Variants in ERBB2 observed in about 807,000 individuals in gnomAD.
The protein encoded by ERBB2 is erb-b2 receptor tyrosine kinase 2, also known as receptor tyrosine-protein kinase erbB-2.
Under a neutral mutation model 149.0 loss-of-function variants are expected in ERBB2, and 61 were observed. The observed-to-expected ratio is 0.41, with a 90% CI of 0.33 to 0.51. The LOEUF is 0.51. ERBB2 is among the 20% of genes least tolerant of loss of function. The pLI is 0.25. For missense variants in ERBB2, 1,205 were observed against 1,655.1 expected, an observed-to-expected ratio of 0.73 and a Z score of 4.72; for synonymous variants, 633 against 678.8, an observed-to-expected ratio of 0.93 and a Z score of 1.05.
intron 16 of ERBB2, among the ~76,000 whole-genome samples, chr17:39,721,440 AT>A (rs1401995435): frequency 6.6e-6 from 1 of 151,980 alleles, no homozygotes; most frequent in East Asian, 1.9e-4. Flanking sequence ...CGTCCGGCTA[AT>A]TTTTGTATTT....
In ERBB2 at chr17:39,725,184, T is replaced by C; in HGVS notation, c.2629T>C (p.Tyr877His). The change falls in exon 21 of 27, where the codon TAC becomes CAC. Residue 877 changes from tyrosine (Y) to histidine (H), a missense_variant. Coordinates refer to ENST00000269571, the MANE Select transcript of ERBB2 (RefSeq NM_004448.4). The surrounding 1 kb of genome is among the most constrained non-coding windows in gnomAD (Gnocchi z 4.6). ...ARLLDIDETE[Y>H]HADGGKVPIK... ...GCTGCTGGACATTGACGAGACAGAGTACCATGCAGATGGGGGCAAGGTTAG... is the reference window on the plus strand; with the variant it reads ...GCTGCTGGACATTGACGAGACAGAGCACCATGCAGATGGGGGCAAGGTTAG... 6.2e-7 allele frequency: 1 copy of C among 1,613,768 alleles called. No individual in the cohort carries two copies. The highest frequency in any genetic ancestry group is 8.5e-7 in the Non-Finnish European group (1 of 1,179,970).
In ERBB2 at chr17:39,723,542, T is replaced by TGGAGCCGCTGACACCTAGC; in HGVS notation, c.2096_2114dup (p.Met706AlafsTer4). ...CCCACCACCCCCTCACCCCAGCTGG[T>TGGAGCCGCTGACACCTAGC]GGAGCCGCTGACACCTAGCGGAGCG... On this transcript the variant is annotated frameshift_variant, in exon 18 of 27. Transcript: ENST00000269571. LOFTEE classifies it high-confidence loss of function. The surrounding 1 kb of genome is among the most constrained non-coding windows in gnomAD (Gnocchi z 6.2). The TGGAGCCGCTGACACCTAGC allele has an allele frequency of 6.2e-7, 1 of 1,612,196 alleles. No homozygotes were observed. Among genetic ancestry groups the TGGAGCCGCTGACACCTAGC allele is most frequent in the Non-Finnish European group, 8.5e-7 (1 of 1,179,250 alleles).
rs147204600 is a variant in ERBB2 at position 39,715,316 on chromosome 17, G to A, written c.1179G>A (p.Gln393=). 3.6e-5 allele frequency: 58 copies of A among 1,614,046 alleles called. No homozygotes were observed. In the African/African-American group the frequency reaches 7.1e-4, roughly 20 times the overall value. Residue 393 remains glutamine (Q), a synonymous_variant, in exon 10 of 27, where the codon CAG becomes CAA. Coordinates refer to ENST00000269571, the MANE Select transcript of ERBB2 (RefSeq NM_004448.4). ...CAGCCTCCAACACTGCCCCGCTCCA[G>A]CCAGAGCAGCTCCAAGTGTTTGAGA... ...GDPASNTAPL[Q]PEQLQVFETL...
intron 9 of ERBB2, among the ~76,000 whole-genome samples, chr17:39,714,973 T>A (rs1487997184): frequency 6.6e-6 from 1 of 152,156 alleles, no homozygotes; most frequent in Non-Finnish European, 1.5e-5. Flanking sequence ...TTTCACCATG[T>A]TGGCCAGGAT....
At chr17:39,715,227 G>T (rs2145626681) in intron 9 of ERBB2, 59 bp from the exon 10 acceptor site, 2 of 1,441,042 alleles carry the variant, frequency 1.4e-6, no homozygotes, top group Admixed American at 3.5e-5. Context: ...CATGGCCAGT[G>T]CTGGGAGTGA....
rs766580143 is a variant in ERBB2, at chr17:39,715,280, C to T, written c.1149-6C>T. The T allele has an allele frequency of 6.2e-7, 1 of 1,613,888 alleles. No homozygotes were observed. Among genetic ancestry groups the T allele is most frequent in the Admixed American group, 1.7e-5 (1 of 60,008 alleles). On this transcript the variant is annotated splice_polypyrimidine_tract_variant and splice_region_variant and intron_variant, in intron 9 of 26. Transcript: ENST00000269571. ...GCCCTGCTGACTCCTCTCCTGACCC[C>T]TCCAGGGACCCAGCCTCCAACACTG...
chr17:39,723,234 A>G lies in ERBB2; in HGVS notation c.1947-85A>G. 2 of 1,418,976 alleles carry G rather than the reference A, an allele frequency of 1.4e-6. No individual in the cohort carries two copies. The highest frequency in any genetic ancestry group is 2.0e-6 in the Non-Finnish European group (2 of 1,024,684). The allele number at this position is 1,418,976 out of a possible 1,614,324, so 87.9% of individuals were successfully genotyped here. ...TTCCGACTTCCCTTTCCGAATGCCA[A>G]ACACCTTCATGTCCCCCGTGGGCCC... On this transcript the variant is annotated intron_variant, in intron 16 of 26. Transcript: ENST00000269571. The surrounding 1 kb of genome is among the most constrained non-coding windows in gnomAD (Gnocchi z 6.2).
rs768610548 is a variant in ERBB2, at chr17:39,716,444, CGGA to C, written c.1646+16_1646+18del. The C allele has an allele frequency of 2.2e-5, 35 of 1,612,448 alleles. No homozygotes were observed. Among genetic ancestry groups the C allele is most frequent in the Admixed American group, 8.3e-5 (5 of 59,928 alleles). ...CCGAGTACTGCAGGGGTATGAGGGG[CGGA>C]GGAGAGGGTGGCTGGAGGGGTGCAT... On this transcript the variant is annotated intron_variant, in intron 13 of 26. Coordinates refer to ENST00000269571, the MANE Select transcript of ERBB2 (RefSeq NM_004448.4).
upstream of ERBB2, among the ~76,000 whole-genome samples, chr17:39,694,257 ATATATATATATGTGTG>A (rs2057796507): frequency 3.5e-5 from 1 of 28,896 alleles, no homozygotes; most frequent in East Asian, 5.5e-4. Flanking sequence ...ATATATATAT[ATATATATATATGTGTG>A]TATATATATA....
chr17:39,726,035 A>C lies in ERBB2; in HGVS notation c.2872+182A>C, dbSNP rs2059738395. 2 of 602,876 alleles carry C rather than the reference A, an allele frequency of 3.3e-6. No individual in the cohort carries two copies. Among genetic ancestry groups the C allele is most frequent in the Admixed American group, 6.8e-5 (2 of 29,504 alleles). The allele number at this position is 602,876 out of a possible 1,614,324, so 37.3% of individuals were successfully genotyped here. A position where few individuals can be genotyped will look rare whatever the true frequency, so the allele number is the denominator to read the frequency against. On this transcript the variant is annotated intron_variant, in intron 23 of 26. Transcript: ENST00000269571. The surrounding 1 kb of genome is among the most constrained non-coding windows in gnomAD (Gnocchi z 5.1). ...AAGTCCAAAGCCACTCTTGAGGAAC[A>C]CTCTTGTACAAAATTAAGCTGGGCA...
chr17:39,712,578 G>A, intron 9 of ERBB2, 130 bp downstream of exon 9: 1 of 1,140,292 alleles, frequency 8.8e-7, no homozygotes, highest in East Asian at 2.6e-5. Flanking sequence ...GAAAGCAGAT[G>A]GGAGACCAGA....
Position 39,717,363 on chromosome 17 carries a change from C to A in ERBB2, c.1781C>A (p.Pro594His), listed in dbSNP as rs760310908. Residue 594 changes from proline to histidine, a missense_variant, in exon 15 of 27, where the codon CCC becomes CAC. This residue lies in a region of ERBB2 where 569 missense variants were observed against 803.5 expected (regional missense o/e 0.71). Coordinates refer to ENST00000269571, the MANE Select transcript of ERBB2 (RefSeq NM_004448.4). ...GCCTGTGCCCACTATAAGGACCCTC[C>A]CTTCTGCGTGGCCCGCTGCCCCAGC... ...CVACAHYKDP[P>H]FCVARCPSGV... The A allele has an allele frequency of 6.2e-7, 1 of 1,612,722 alleles. No homozygotes were observed. Among genetic ancestry groups the A allele is most frequent in the Non-Finnish European group, 8.5e-7 (1 of 1,179,962 alleles).
chr17:39,702,767 C>T (rs182050714), intron 1 of ERBB2, among the ~76,000 whole-genome samples: 1 of 152,186 alleles, frequency 6.6e-6, no homozygotes, highest in Non-Finnish European at 1.5e-5. Flanking sequence ...TTTATCCATG[C>T]TTTCATTTAA....
chr17:39,726,651 G>T lies in ERBB2; in HGVS notation c.2962G>T (p.Val988Phe), dbSNP rs1216520288. Residue 988 changes from valine (V) to phenylalanine (F), a missense_variant, in exon 24 of 27, where the codon GTC (valine) becomes TTC (phenylalanine). By Grantham distance (50) the Val-to-Phe change is conservative. This residue lies in a region of ERBB2 where 8 missense variants were observed against 20.4 expected (regional missense o/e 0.39). Transcript: ENST00000269571. This position sits in a 1 kb window ranked among gnomAD's most constrained non-coding sequence, Gnocchi z 5.1. ...GGCCAGGGACCCCCAGCGCTTTGTGGTCATCCAGGTACTGGGCCTCTGTGC... is the reference window on the plus strand; with the variant it reads ...GGCCAGGGACCCCCAGCGCTTTGTGTTCATCCAGGTACTGGGCCTCTGTGC... ...RMARDPQRFV[V>F]IQNEDLGPAS... is the part of the protein sequence containing the mutation. The T allele has an allele frequency of 3.1e-6, 5 of 1,614,164 alleles. No individual in the cohort carries two copies. In the South Asian group the frequency reaches 5.5e-5, roughly 18 times the overall value.
chr17:39,692,370 G>A (rs922019235), upstream of ERBB2, among the ~76,000 whole-genome samples: 63 of 152,000 alleles, frequency 4.1e-4, no homozygotes, highest in African/African-American at 1.4e-3. Context: ...TGGGAAGTGG[G>A]ACTATGTGCC....
Position 39,727,422 on chromosome 17 carries a change from A to C in ERBB2, c.3287A>C (p.Lys1096Thr). The change falls in exon 26 of 27, where the codon AAG (lysine) becomes ACG (threonine). Residue 1096 changes from lysine (K) to threonine (T), a missense_variant. By Grantham distance (78) the Lys-to-Thr change is moderately conservative. Coordinates refer to ENST00000269571, the MANE Select transcript of ERBB2 (RefSeq NM_004448.4). The surrounding 1 kb of genome is among the most constrained non-coding windows in gnomAD (Gnocchi z 4.3). Reference sequence around the variant, plus strand: ...GGTGACCTGGGAATGGGGGCAGCCAAGGGGCTGCAAAGCCTCCCCACACAT... The same window carrying C: ...GGTGACCTGGGAATGGGGGCAGCCACGGGGCTGCAAAGCCTCCCCACACAT... ...FDGDLGMGAA[K>T]GLQSLPTHDP... 6.2e-7 allele frequency: 1 copy of C among 1,611,512 alleles called. No individual in the cohort carries two copies. Among genetic ancestry groups the C allele is most frequent in the Non-Finnish European group, 8.5e-7 (1 of 1,179,052 alleles).
chr17:39,703,319 T>G (rs189885209), intron 1 of ERBB2: 1 of 152,338 alleles, frequency 6.6e-6, no homozygotes, highest in East Asian at 1.9e-4. Flanking sequence ...TGGAATGATC[T>G]GGAAAGAGAT....
Position 39,728,124 on chromosome 17 carries a change from T to A in ERBB2, c.*80T>A. The A allele has an allele frequency of 9.5e-7, 1 of 1,057,012 alleles. No homozygotes were observed. 65.5% of individuals were successfully genotyped at this position (1,057,012 alleles called of 1,614,324 possible). A position where few individuals can be genotyped will look rare whatever the true frequency, so the allele number is the denominator to read the frequency against. Reference sequence around the variant, plus strand: ...CCTGACTTCTGCTGGCATCAAGAGGTGGGAGGGCCCTCCGACCACTTCCAG... The same window carrying A: ...CCTGACTTCTGCTGGCATCAAGAGGAGGGAGGGCCCTCCGACCACTTCCAG... On this transcript the variant is annotated 3_prime_UTR_variant, in exon 27 of 27. Coordinates refer to ENST00000269571, the MANE Select transcript of ERBB2 (RefSeq NM_004448.4).
chr17:39,694,245 A>ATGTGTG (rs1481728992), upstream of ERBB2, among the ~76,000 whole-genome samples: 4 of 41,640 alleles, frequency 9.6e-5, no homozygotes, highest in Non-Finnish European at 1.5e-4. Context: ...ATATATATAT[A>ATGTGTG]TATATATATA....
Sources: gnomAD v4.1 joint callset for allele counts (sites outside exome capture counted in the v4.1 genomes callset) on GRCh38, gnomAD v4.1.1 for gene constraint, gnomAD v4.1.1 regional missense constraint, Gnocchi (gnomAD v3.1) non-coding constraint, MANE v1.5 for transcripts, NCBI Gene and HGNC (gene_info 2026-07-23, HGNC 2026-07-21) for gene names.